Variants in DELE1 observed in about 807,000 individuals in gnomAD.
DELE1 encodes DAP3 binding cell death enhancer 1, also known as death ligand signal enhancer.
A neutral mutation model predicts 59.3 loss-of-function variants in DELE1; 54 were observed. The observed-to-expected ratio is 0.91, with a 90% CI of 0.73 to 1.14. DELE1 has a LOEUF of 1.14. Among genes scored for constraint, DELE1 ranks in the 50% most tolerant of loss-of-function variants. The probability of loss-of-function intolerance (pLI) is 0.00; values close to 1 mark genes in which losing one functional copy is unlikely to be tolerated. For synonymous variants in DELE1, 264 were observed against 259.1 expected, an observed-to-expected ratio of 1.02 and a Z score of -0.18; for missense variants, 636 against 643.9, an observed-to-expected ratio of 0.99 and a Z score of 0.13.
In DELE1 at chr5:141,938,924, C is replaced by G; in HGVS notation, c.*165C>G. On this transcript the variant is annotated 3_prime_UTR_variant, in exon 12 of 12. Coordinates refer to ENST00000432126, the MANE Select transcript of DELE1 (RefSeq NM_014773.5). The stretch of plus-strand genomic sequence containing the variant: ...TGGCTGGTAAGTGACTGATCTTTCC[C>G]CCCGCTTGGTAGCCTCACAGATGAG... 3 of 1,433,108 alleles carry G rather than the reference C, an allele frequency of 2.1e-6. No homozygotes were observed. Among genetic ancestry groups the G allele is most frequent in the African/African-American group, 1.4e-5 (1 of 69,814 alleles). 88.8% of individuals were successfully genotyped at this position (1,433,108 alleles called of 1,614,324 possible).
chr5:141,940,149 C>G lies in DELE1; in HGVS notation c.*1390C>G. ...TTTAATAAAACAGATATTGGATTAT[C>G]TCATCACTCTTGCCCTTGAGTATTA... On this transcript the variant is annotated 3_prime_UTR_variant, in exon 12 of 12. Transcript: ENST00000432126. 1 of 985,416 alleles carries G rather than the reference C, an allele frequency of 1.0e-6. No individual in the cohort carries two copies. The highest frequency in any genetic ancestry group is 1.7e-5 in the African/African-American group (1 of 57,354). 61.0% of individuals were successfully genotyped at this position (985,416 alleles called of 1,614,324 possible).
rs951605701 is a variant in DELE1, at chr5:141,933,309, C to A, written c.805C>A (p.Gln269Lys). The change falls in exon 8 of 12, where the codon CAG becomes AAG. Residue 269 changes from glutamine to lysine, a missense_variant. Coordinates refer to ENST00000432126, the MANE Select transcript of DELE1 (RefSeq NM_014773.5). ...GDHTAAFSYF[Q>K]KAAARGYSKA... ...CCACACGGCAGCCTTTTCTTACTTC[C>A]AGAAAGCTGCAGCCCGCGGCTACAG... is the stretch of plus-strand genomic sequence containing the variant. 2 of 1,569,330 alleles carry A rather than the reference C, an allele frequency of 1.3e-6. No individual in the cohort carries two copies. The highest frequency in any genetic ancestry group is 1.4e-5 in the African/African-American group (1 of 73,856).
In DELE1 at chr5:141,940,102, A is replaced by C. The variant is rs1752648263; in HGVS notation, c.*1343A>C. 1 of 984,966 alleles carries C rather than the reference A, an allele frequency of 1.0e-6. No homozygotes were observed. The highest frequency in any genetic ancestry group is 6.1e-5 in the Admixed American group (1 of 16,262). 61.0% of individuals were successfully genotyped at this position (984,966 alleles called of 1,614,324 possible). A position where few individuals can be genotyped will look rare whatever the true frequency, so the allele number is the denominator to read the frequency against. The stretch of plus-strand genomic sequence containing the variant: ...ATTTTGAGGTCCCCATTTGGGAAAC[A>C]TGTGCCAGAAATGTCTAGGTGTTTA... On this transcript the variant is annotated 3_prime_UTR_variant, in exon 12 of 12. Coordinates refer to ENST00000432126, the MANE Select transcript of DELE1 (RefSeq NM_014773.5).
At chr5:141,938,288 A>G (rs1356378743) in intron 11 of DELE1, among the ~76,000 whole-genome samples, 1 of 152,206 alleles carries the variant, frequency 6.6e-6, no homozygotes, top group Non-Finnish European at 1.5e-5. Flanking sequence ...GCCTGACAGC[A>G]CAGTAGGTAT....
At chr5:141,925,972 C>T (rs879582674) in intron 3 of DELE1, among the ~76,000 whole-genome samples, 13 of 152,028 alleles carry the variant, frequency 8.6e-5, no homozygotes, top group Admixed American at 1.3e-4. Context: ...CTCCGTCTCC[C>T]GGGTTCAAGC....
chr5:141,941,891 A>G lies in DELE1; in HGVS notation c.*3132A>G. The G allele has an allele frequency of 3.0e-6, 3 of 985,386 alleles. No individual in the cohort carries two copies. The highest frequency in any genetic ancestry group is 3.6e-6 in the Non-Finnish European group (3 of 829,912). The allele number at this position is 985,386 out of a possible 1,614,324, so 61.0% of individuals were successfully genotyped here. On this transcript the variant is annotated 3_prime_UTR_variant, in exon 12 of 12. Coordinates refer to ENST00000432126, the MANE Select transcript of DELE1 (RefSeq NM_014773.5). The stretch of plus-strand genomic sequence containing the variant: ...CAGCACATAGTAGGTACTTTAAGTA[A>G]TTTGAATGAATAATTTTAAATAACT...
intron 3 of DELE1, among the ~76,000 whole-genome samples, chr5:141,927,035 T>C (rs575549958): frequency 6.6e-6 from 1 of 152,332 alleles, no homozygotes; most frequent in South Asian, 2.1e-4. Context: ...CAGGACCCCT[T>C]TTATGCTCTG....
At position 141,934,222 on chromosome 5, in the gene DELE1, T is replaced by C; in HGVS notation, c.898-18T>C. The C allele has an allele frequency of 6.3e-7, 1 of 1,585,890 alleles. No homozygotes were observed. The highest frequency in any genetic ancestry group is 8.6e-7 in the Non-Finnish European group (1 of 1,161,316). Reference sequence around the variant, plus strand: ...TACAGAGTTGCCAGCCGACTGGGTGTTTCTCCCTTTGCCCCAGGCGGTCCT... The same window carrying C: ...TACAGAGTTGCCAGCCGACTGGGTGCTTCTCCCTTTGCCCCAGGCGGTCCT... On this transcript the variant is annotated intron_variant, in intron 8 of 11. Transcript: ENST00000432126.
Position 141,928,239 on chromosome 5 carries a change from G to A in DELE1, c.353G>A (p.Cys118Tyr), listed in dbSNP as rs1313785860. ...LPAGPQRVEH[C>Y]SWHSPLDRFF... is the part of the protein sequence containing the mutation. ...GCAGGACCTCAGCGGGTAGAACACTGCTCCTGGCACAGTCCCCTGGACCGT... is the reference window on the plus strand; with the variant it reads ...GCAGGACCTCAGCGGGTAGAACACTACTCCTGGCACAGTCCCCTGGACCGT... The change falls in exon 4 of 12, where the codon TGC becomes TAC. Residue 118 changes from cysteine to tyrosine, a missense_variant. Physicochemically the swap from Cys to Tyr is radical, Grantham distance 194. Coordinates refer to ENST00000432126, the MANE Select transcript of DELE1 (RefSeq NM_014773.5). 2 of 1,614,202 alleles carry A rather than the reference G, an allele frequency of 1.2e-6. No homozygotes were observed. Among genetic ancestry groups the A allele is most frequent in the Non-Finnish European group, 1.7e-6 (2 of 1,180,028 alleles).
chr5:141,930,587 C>T (rs77075861), intron 7 of DELE1, among the ~76,000 whole-genome samples: 2,134 of 152,284 alleles, frequency 0.014, 50 homozygotes, highest in African/African-American at 0.05. Flanking sequence ...AGACGTTGCA[C>T]AAATCCTTGT....
At chr5:141,926,168 G>C (rs1359126083) in intron 3 of DELE1, among the ~76,000 whole-genome samples, 1 of 152,134 alleles carries the variant, frequency 6.6e-6, no homozygotes, top group African/African-American at 2.4e-5. Flanking sequence ...GTGAGCCACC[G>C]CGCCCGGCCT....
intron 11 of DELE1, among the ~76,000 whole-genome samples, chr5:141,938,121 C>T (rs1752517190): frequency 1.3e-5 from 2 of 152,064 alleles, no homozygotes. Context: ...CCACCGCGCC[C>T]AGTCAAACCT....
In DELE1 at chr5:141,924,697, T is replaced by G; in HGVS notation, c.146+2T>G. 6.4e-7 allele frequency: 1 copy of G among 1,570,062 alleles called. No homozygotes were observed. The highest frequency in any genetic ancestry group is 8.8e-7 in the Non-Finnish European group (1 of 1,139,936). ...GGTTCCTGTGCCTAACCTCGACAGGTAAGATACTGCCATTTTACCACTCAT... is the reference window on the plus strand; with the variant it reads ...GGTTCCTGTGCCTAACCTCGACAGGGAAGATACTGCCATTTTACCACTCAT... On this transcript the variant is annotated splice_donor_variant, in intron 2 of 11. Coordinates refer to ENST00000432126, the MANE Select transcript of DELE1 (RefSeq NM_014773.5). LOFTEE classifies it high-confidence loss of function.
intron 7 of DELE1, 144 bp from the exon 8 acceptor site, chr5:141,933,111 AATAT>A (rs1171787891): frequency 4.0e-4 from 38 of 94,586 alleles, no homozygotes; most frequent in African/African-American, 1.2e-3. Context: ...AAAAAAAAAA[AATAT>A]ATATATATAT....
chr5:141,926,706 C>T (rs1211412562), intron 3 of DELE1, among the ~76,000 whole-genome samples: 2 of 152,250 alleles, frequency 1.3e-5, no homozygotes, highest in African/African-American at 2.4e-5. Context: ...GTCTCCATGA[C>T]AGGGTTACCC....
At chr5:141,931,506 G>A (rs1751906530) in intron 7 of DELE1, among the ~76,000 whole-genome samples, 1 of 152,200 alleles carries the variant, frequency 6.6e-6, no homozygotes, top group Admixed American at 6.5e-5. Flanking sequence ...CATGTAGACA[G>A]ACATGGATTG....
At chr5:141,934,133 A>G (rs774424461) in intron 8 of DELE1, 107 bp from the exon 9 acceptor site, 10 of 889,318 alleles carry the variant, frequency 1.1e-5, no homozygotes, top group South Asian at 6.5e-5. Context: ...TGACTAGTCT[A>G]TAATTATTAT....
chr5:141,928,135 G>C lies in DELE1; in HGVS notation c.265-16G>C. The C allele has an allele frequency of 1.2e-6, 2 of 1,610,890 alleles. No individual in the cohort carries two copies. The highest frequency in any genetic ancestry group is 1.7e-6 in the Non-Finnish European group (2 of 1,178,320). On this transcript the variant is annotated splice_polypyrimidine_tract_variant and intron_variant, in intron 3 of 11. Coordinates refer to ENST00000432126, the MANE Select transcript of DELE1 (RefSeq NM_014773.5). ...ATTGGTGAAGGACCGTGTCCTTAAC[G>C]TGCTGTCTTTCCCAGGGCACTCTGG...
intron 11 of DELE1, 56 bp from the exon 12 acceptor site, chr5:141,938,465 G>A: frequency 1.3e-6 from 2 of 1,571,534 alleles, no homozygotes; most frequent in Non-Finnish European, 8.6e-7. Flanking sequence ...TGGCTCCAAA[G>A]TAGGAGTCCA....
Sources: gnomAD v4.1 joint callset for allele counts (sites outside exome capture counted in the v4.1 genomes callset) on GRCh38, gnomAD v4.1.1 for gene constraint, MANE v1.5 for transcripts, NCBI Gene and HGNC (gene_info 2026-07-23, HGNC 2026-07-21) for gene names.